DAB2IP: variants seen among roughly 807,000 people sequenced by gnomAD.
The protein encoded by DAB2IP is disabled homolog 2-interacting protein.
Under a neutral mutation model 107.2 loss-of-function variants are expected in DAB2IP, and 28 were observed. The observed-to-expected ratio is 0.26, with a 90% CI of 0.19 to 0.36. The LOEUF (loss-of-function observed/expected upper bound fraction) is 0.36, where lower values mean the gene tolerates loss of function less well. DAB2IP is among the 10% of genes least tolerant of loss of function. DAB2IP has a pLI of 1.00. For missense variants in DAB2IP, 1,400 were observed against 1,644.7 expected (o/e 0.85, Z 2.57); for synonymous variants, 755 against 706.4 (o/e 1.07, Z -1.09).
At chr9:121,669,481 G>A (rs1833587307) in intron 1 of DAB2IP, among the ~76,000 whole-genome samples, 1 of 152,184 alleles carries the variant, frequency 6.6e-6, no homozygotes, top group Non-Finnish European at 1.5e-5. Context: ...GTGTGTGTTA[G>A]GAAGAACCTA....
At chr9:121,589,486 T>C (rs187364523) in intron 1 of DAB2IP, among the ~76,000 whole-genome samples, 1 of 152,290 alleles carries the variant, frequency 6.6e-6, no homozygotes, top group East Asian at 1.9e-4. Flanking sequence ...TGGAAGCCTT[T>C]CCTGGAGCCA....
At chr9:121,671,883 C>G (rs958675982) in intron 1 of DAB2IP, among the ~76,000 whole-genome samples, 1 of 151,902 alleles carries the variant, frequency 6.6e-6, no homozygotes, top group African/African-American at 2.4e-5. Flanking sequence ...GTGCTGCGGT[C>G]AGTATCTTTG....
intron 1 of DAB2IP, among the ~76,000 whole-genome samples, chr9:121,568,783 C>T (rs547587205): frequency 6.6e-6 from 1 of 152,312 alleles, no homozygotes; most frequent in South Asian, 2.1e-4. Flanking sequence ...GAAGGACCAG[C>T]CCCAGCCAGG....
chr9:121,642,988 C>T (rs926202541), intron 1 of DAB2IP, among the ~76,000 whole-genome samples: 1 of 150,178 alleles, frequency 6.7e-6, no homozygotes, highest in Non-Finnish European at 1.5e-5. Context: ...GGGAATGAGG[C>T]AGCAGGAACT....
At chr9:121,749,276 C>T (rs1457541404) in intron 3 of DAB2IP, among the ~76,000 whole-genome samples, 1 of 152,218 alleles carries the variant, frequency 6.6e-6, no homozygotes, top group Non-Finnish European at 1.5e-5. Context: ...TATGTCCTGC[C>T]GTTTGATTCC....
intron 2 of DAB2IP, among the ~76,000 whole-genome samples, chr9:121,691,044 C>T (rs1388758605): frequency 6.6e-6 from 1 of 152,254 alleles, no homozygotes; most frequent in East Asian, 1.9e-4. Context: ...AAGCTGCCTC[C>T]TCCAGCAAGT....
chr9:121,696,995 C>T (rs778463469), intron 2 of DAB2IP, among the ~76,000 whole-genome samples: 2 of 152,182 alleles, frequency 1.3e-5, no homozygotes, highest in African/African-American at 4.8e-5. Context: ...CATAATGGCT[C>T]TCATTAAGGT....
chr9:121,581,390 G>A (rs1191585734), intron 1 of DAB2IP, among the ~76,000 whole-genome samples: 2 of 152,356 alleles, frequency 1.3e-5, no homozygotes, highest in East Asian at 3.9e-4. Flanking sequence ...CAGGAGGAGG[G>A]CAGCTCTGAC....
At chr9:121,631,544 G>A (rs147002149) in intron 1 of DAB2IP, among the ~76,000 whole-genome samples, 5 of 152,168 alleles carry the variant, frequency 3.3e-5, no homozygotes, top group South Asian at 2.1e-4. Context: ...GCGGCCCGAC[G>A]CGGTGGCTCA....
intron 1 of DAB2IP, among the ~76,000 whole-genome samples, chr9:121,606,703 G>A (rs1830887554): frequency 6.6e-6 from 1 of 152,010 alleles, no homozygotes; most frequent in African/African-American, 2.4e-5. Flanking sequence ...ACCATCATTG[G>A]ATGAGTGTGA....
intron 3 of DAB2IP, among the ~76,000 whole-genome samples, chr9:121,704,288 A>G (rs1420459910): frequency 6.6e-6 from 1 of 152,210 alleles, no homozygotes; most frequent in East Asian, 1.9e-4. Flanking sequence ...CTCCCCAGTG[A>G]TTTTTGAGAG....
intron 1 of DAB2IP, among the ~76,000 whole-genome samples, chr9:121,618,075 A>C (rs1831341239): frequency 6.6e-6 from 1 of 152,196 alleles, no homozygotes; most frequent in Non-Finnish European, 1.5e-5. Flanking sequence ...ACAAGACAGA[A>C]GGCCCCCCTC....
At chr9:121,756,317 G>T (rs1377469827) in intron 3 of DAB2IP, among the ~76,000 whole-genome samples, 1 of 152,240 alleles carries the variant, frequency 6.6e-6, no homozygotes, top group African/African-American at 2.4e-5. Context: ...GTGCCGGGTG[G>T]CATCAGCCCT....
At chr9:121,689,354 C>T (rs1829045331) in intron 2 of DAB2IP, among the ~76,000 whole-genome samples, 2 of 151,822 alleles carry the variant, frequency 1.3e-5, no homozygotes, top group Non-Finnish European at 2.9e-5. Flanking sequence ...CTTCTGAGGC[C>T]AGGACTCCCA....
intron 3 of DAB2IP, among the ~76,000 whole-genome samples, chr9:121,710,484 T>C (rs1830286298): frequency 6.6e-6 from 1 of 152,088 alleles, no homozygotes; most frequent in South Asian, 2.1e-4. Flanking sequence ...TCAAGCGTCT[T>C]TTTCTGTGGC....
At chr9:121,680,273 A>C (rs745875660) in intron 2 of DAB2IP, among the ~76,000 whole-genome samples, 11 of 152,244 alleles carry the variant, frequency 7.2e-5, no homozygotes, top group Non-Finnish European at 1.6e-4. Flanking sequence ...CTCCACTGCC[A>C]GTATGTTATA....
chr9:121,781,367 G>T (rs1835628911), intron 14 of DAB2IP, 97 bp from the exon 15 acceptor site: 1 of 1,192,106 alleles, frequency 8.4e-7, no homozygotes, highest in South Asian at 1.2e-5. Flanking sequence ...CTCCTAGTGT[G>T]TCCCTGCTGT....
intron 14 of DAB2IP, among the ~76,000 whole-genome samples, chr9:121,780,896 C>T (rs1835574731): frequency 6.6e-6 from 1 of 152,242 alleles, no homozygotes; most frequent in African/African-American, 2.4e-5. Flanking sequence ...CCAGCCCACC[C>T]TCCAGGGAAC....
intron 1 of DAB2IP, among the ~76,000 whole-genome samples, chr9:121,594,397 C>T (rs1293098976): frequency 1.3e-5 from 2 of 151,932 alleles, no homozygotes; most frequent in African/African-American, 2.4e-5. Context: ...GCCACCATGC[C>T]CACCTAATTT....
Sources: gnomAD v4.1 joint callset for allele counts (sites outside exome capture counted in the v4.1 genomes callset) on GRCh38, gnomAD v4.1.1 for gene constraint, MANE v1.5 for transcripts, NCBI Gene and HGNC (gene_info 2026-07-23, HGNC 2026-07-21) for gene names.